Variants in RASA1 observed in about 807,000 individuals in gnomAD.
The protein encoded by RASA1 is ras GTPase-activating protein 1.
In RASA1, 25 loss-of-function variants were observed where a neutral mutation model predicts 132.2. The observed-to-expected ratio is 0.19, with a 90% confidence interval of 0.14 to 0.26. The LOEUF is 0.26. Among genes scored for constraint, RASA1 ranks in the 10% least tolerant of loss-of-function variants. The pLI is 1.00. For missense variants in RASA1, 964 were observed against 1,299.2 expected, an observed-to-expected ratio of 0.74 and a Z score of 3.97; for synonymous variants, 477 against 449.9, an observed-to-expected ratio of 1.06 and a Z score of -0.76.
At chr5:87,323,992 G>A (rs1044161876) in intron 1 of RASA1, among the ~76,000 whole-genome samples, 2 of 152,062 alleles carry the variant, frequency 1.3e-5, no homozygotes, top group Non-Finnish European at 2.9e-5. Flanking sequence ...GTGTTCTGTC[G>A]TATTTACTGT....
In RASA1 at chr5:87,391,872, T is replaced by TATTC. The variant is rs1268522701; in HGVS notation, c.*991_*994dup. ...CTTCTGTATGTGTATTTTTGTGAAG[T>TATTC]ATTCACAAAGGTTAAGTTAAAATAA... On this transcript the variant is annotated 3_prime_UTR_variant, in exon 25 of 25. Coordinates refer to ENST00000274376, the MANE Select transcript of RASA1 (RefSeq NM_002890.3). The TATTC allele has an allele frequency of 4.3e-6, 1 of 230,666 alleles. No individual in the cohort carries two copies. The highest frequency in any genetic ancestry group is 2.2e-5 in the African/African-American group (1 of 45,040). The allele number at this position is 230,666 out of a possible 1,614,324, so 14.3% of individuals were successfully genotyped here. A position where few individuals can be genotyped will look rare whatever the true frequency, so the allele number is the denominator to read the frequency against.
chr5:87,337,998 T>C lies in RASA1; in HGVS notation c.924T>C (p.Ile308=), dbSNP rs1692799110. ...GTTTCTTAAAAGGAGATATGTTCAT[T>C]GTTCATAATGAATTAGAAGATGGAT... ...EISFLKGDMF[I]VHNELEDGWM... The change falls in exon 5 of 25, where the codon ATT becomes ATC. Residue 308 remains isoleucine, a synonymous_variant. Coordinates refer to ENST00000274376, the MANE Select transcript of RASA1 (RefSeq NM_002890.3). 1 of 1,610,614 alleles carries C rather than the reference T, an allele frequency of 6.2e-7. No individual in the cohort carries two copies. The highest frequency in any genetic ancestry group is 1.3e-5 in the African/African-American group (1 of 74,976).
intron 1 of RASA1, among the ~76,000 whole-genome samples, chr5:87,274,565 C>G (rs767030255): frequency 1.3e-5 from 2 of 151,578 alleles, no homozygotes; most frequent in East Asian, 3.9e-4. Flanking sequence ...TCAAGGGTTG[C>G]AAGAGTAAAA....
chr5:87,351,266 A>G lies in RASA1; in HGVS notation c.1254-1891A>G, dbSNP rs150273191. Among the ~76,000 whole-genome samples, 251 of 151,820 alleles carry G rather than the reference A, an allele frequency of 1.7e-3. 1 individual carries two copies. The highest frequency in any genetic ancestry group is 5.8e-3 in the African/African-American group (241 of 41,522). On this transcript the variant is annotated intron_variant, in intron 8 of 24. Coordinates refer to ENST00000274376, the MANE Select transcript of RASA1 (RefSeq NM_002890.3). ...TTATCTACTTTGTGAAATATACTGTACAAATTCTGTGTAAATACATTAAAG... is the reference window on the plus strand; with the variant it reads ...TTATCTACTTTGTGAAATATACTGTGCAAATTCTGTGTAAATACATTAAAG...
chr5:87,383,415 T>C (rs1163214186), intron 20 of RASA1, among the ~76,000 whole-genome samples: 47 of 152,144 alleles, frequency 3.1e-4, no homozygotes, highest in Non-Finnish European at 5.9e-5. Context: ...GAATAATAAA[T>C]AGTAAGCAAG....
At chr5:87,269,079 ATCT>A (rs752864490) in intron 1 of RASA1, 89 bp downstream of exon 1, 1 of 1,613,936 alleles carries the variant, frequency 6.2e-7, no homozygotes, top group Non-Finnish European at 8.5e-7. Flanking sequence ...TGTCCTTTTC[ATCT>A]GTGGTTTGTT....
intron 1 of RASA1, among the ~76,000 whole-genome samples, chr5:87,278,909 CTTTTTTTT>C (rs58122450): frequency 2.6e-4 from 22 of 84,012 alleles, no homozygotes; most frequent in Non-Finnish European, 3.7e-4. Flanking sequence ...CTAATTTGTT[CTTTTTTTT>C]TTTTTTTTTT....
At chr5:87,331,305 A>G in intron 1 of RASA1, 43 bp from the exon 2 acceptor site, 5 of 1,544,132 alleles carry the variant, frequency 3.2e-6, no homozygotes, top group Non-Finnish European at 4.5e-6. Flanking sequence ...GAAATTCTGC[A>G]CTTGCTATTT....
Position 87,332,349 on chromosome 5 carries a change from A to G in RASA1, c.693-158A>G, listed in dbSNP as rs74492894. On this transcript the variant is annotated intron_variant, in intron 2 of 24. Transcript: ENST00000274376. ...TAAGAGAAATAGCCCCAAGTAATTT[A>G]CTGTGATGAAGATACTAATAAGTGG... Among the ~76,000 whole-genome samples, 4,834 of 152,178 alleles carry G rather than the reference A, an allele frequency of 0.032. 161 individuals are homozygous for G. The highest frequency in any genetic ancestry group is 0.074 in the African/African-American group (3,072 of 41,552).
chr5:87,299,773 G>A (rs1333679308), intron 1 of RASA1: 2 of 152,036 alleles, frequency 1.3e-5, no homozygotes, highest in Non-Finnish European at 2.9e-5. Flanking sequence ...CCAATTTTTA[G>A]TATATGTGCT....
rs182603054 is a variant in RASA1, at chr5:87,391,735, A to C, written c.*852A>C. 4 of 232,644 alleles carry C rather than the reference A, an allele frequency of 1.7e-5. No homozygotes were observed. The highest frequency in any genetic ancestry group is 8.8e-5 in the African/African-American group (4 of 45,234). 14.4% of individuals were successfully genotyped at this position (232,644 alleles called of 1,614,324 possible). On this transcript the variant is annotated 3_prime_UTR_variant, in exon 25 of 25. Coordinates refer to ENST00000274376, the MANE Select transcript of RASA1 (RefSeq NM_002890.3). ...AAGTTATTTGTTCATTATTTGTGCT[A>C]CCCCTTTGATTATGCAGACAACCTC...
chr5:87,285,032 CCATTTATTTATT>C (rs1754483763), intron 1 of RASA1, among the ~76,000 whole-genome samples: 1 of 136,682 alleles, frequency 7.3e-6, no homozygotes, highest in Non-Finnish European at 1.6e-5. Context: ...GATAATGGTA[CCATTTATTTATT>C]TATTTATTTA....
intron 1 of RASA1, among the ~76,000 whole-genome samples, chr5:87,329,636 A>G (rs1175743406): frequency 6.6e-6 from 1 of 152,218 alleles, no homozygotes; most frequent in Non-Finnish European, 1.5e-5. Flanking sequence ...TACCTAAGAC[A>G]TAACAGAAAT....
At chr5:87,276,071 C>T (rs576055054) in intron 1 of RASA1, among the ~76,000 whole-genome samples, 1 of 152,242 alleles carries the variant, frequency 6.6e-6, no homozygotes, top group South Asian at 2.1e-4. Context: ...GAGCTTTCCT[C>T]AGGGCATCAA....
At chr5:87,331,241 A>G (rs960182891) in intron 1 of RASA1, 107 bp from the exon 2 acceptor site, 2 of 1,185,658 alleles carry the variant, frequency 1.7e-6, no homozygotes, top group African/African-American at 3.0e-5. Flanking sequence ...GTAAATGTTT[A>G]AGTTACATGT....
chr5:87,389,665 C>G (rs1476206948), intron 24 of RASA1, 138 bp downstream of exon 24: 2 of 1,170,120 alleles, frequency 1.7e-6, no homozygotes, highest in Admixed American at 2.0e-5. Context: ...TACAAAAGAT[C>G]TCAGCAGACA....
chr5:87,373,964 G>A lies in RASA1; in HGVS notation c.1777-199G>A, dbSNP rs533924737. Among the ~76,000 whole-genome samples, 6 of 151,614 alleles carry A rather than the reference G, an allele frequency of 4.0e-5. No individual in the cohort carries two copies. The East Asian group carries it at 9.7e-4, about 24-fold the overall frequency. On this transcript the variant is annotated intron_variant, in intron 13 of 24. Coordinates refer to ENST00000274376, the MANE Select transcript of RASA1 (RefSeq NM_002890.3). ...AAATTGCATTGTTTTTATCTTTTAG[G>A]TGGGAAGAATTATTTTAAATGTCTG...
Position 87,363,460 on chromosome 5 carries a change from C to T in RASA1, c.1566C>T (p.Leu522=). ...CCAAACCAAAAGGATTAATAGATCT[C>T]AGTGTATGTTCTGTCTATGTCGTTC... ...RATKPKGLID[L]SVCSVYVVHD... The change falls in exon 11 of 25, where the codon CTC becomes CTT. Residue 522 remains leucine, a synonymous_variant. Coordinates refer to ENST00000274376, the MANE Select transcript of RASA1 (RefSeq NM_002890.3). 2 of 1,612,416 alleles carry T rather than the reference C, an allele frequency of 1.2e-6. No individual in the cohort carries two copies. The highest frequency in any genetic ancestry group is 1.7e-6 in the Non-Finnish European group (2 of 1,178,840).
intron 1 of RASA1, among the ~76,000 whole-genome samples, chr5:87,275,894 G>A (rs1754042722): frequency 6.6e-6 from 1 of 152,112 alleles, no homozygotes; most frequent in Non-Finnish European, 1.5e-5. Flanking sequence ...TAGCATGGCA[G>A]CTATGGCAGT....
Sources: gnomAD v4.1 joint callset for allele counts (sites outside exome capture counted in the v4.1 genomes callset) on GRCh38, gnomAD v4.1.1 for gene constraint, MANE v1.5 for transcripts, NCBI Gene and HGNC (gene_info 2026-07-23, HGNC 2026-07-21) for gene names.